Variants in ZFYVE9 observed in about 807,000 individuals in gnomAD.
ZFYVE9 encodes zinc finger FYVE domain-containing protein 9.
In ZFYVE9, 43 loss-of-function variants were observed where a neutral mutation model predicts 126.7. The ratio of observed to expected loss-of-function variants is 0.34; its 90% CI spans 0.27 to 0.44. The LOEUF (loss-of-function observed/expected upper bound fraction) is 0.44. Ranked by LOEUF, ZFYVE9 falls within the 20% of genes least tolerant of loss-of-function variation. The probability of loss-of-function intolerance (pLI) is 1.00; values close to 1 mark genes in which losing one functional copy is unlikely to be tolerated. For synonymous variants in ZFYVE9, 521 were observed against 597.4 expected (o/e 0.87, Z 1.87); for missense variants, 1,476 against 1,697.0 (o/e 0.87, Z 2.29).
chr1:52,304,675 GT>G (rs1283617160), intron 13 of ZFYVE9, among the ~76,000 whole-genome samples: 8 of 150,670 alleles, frequency 5.3e-5, no homozygotes, highest in Admixed American at 4.6e-4. Context: ...TAAACATTAT[GT>G]ACTTGGTATG....
intron 13 of ZFYVE9, among the ~76,000 whole-genome samples, chr1:52,331,069 A>G (rs981748126): frequency 6.6e-6 from 1 of 151,852 alleles, no homozygotes; most frequent in Non-Finnish European, 1.5e-5. Flanking sequence ...GGGTTTTACC[A>G]TGTTGGCCAG....
At chr1:52,205,652 G>A (rs1644971837) in intron 1 of ZFYVE9, among the ~76,000 whole-genome samples, 1 of 151,986 alleles carries the variant, frequency 6.6e-6, no homozygotes, top group South Asian at 2.1e-4. Flanking sequence ...GGTTACAGGT[G>A]TGAACCACCA....
Position 52,245,832 on chromosome 1 carries a change from A to G in ZFYVE9, c.2178+6237A>G, listed in dbSNP as rs190553532. Among the ~76,000 whole-genome samples, 20 of 152,312 alleles carry G rather than the reference A, an allele frequency of 1.3e-4. 1 individual carries two copies. The highest frequency in any genetic ancestry group is 1.2e-3 in the South Asian group (6 of 4,830). On this transcript the variant is annotated intron_variant, in intron 4 of 18. Coordinates refer to ENST00000287727, the MANE Select transcript of ZFYVE9 (RefSeq NM_004799.4). Reference sequence around the variant, plus strand: ...ATAACTCATGCTCTTTCCCATAAATAAAGTTGAGAGAATAAAACAAATAGG... The same window carrying G: ...ATAACTCATGCTCTTTCCCATAAATGAAGTTGAGAGAATAAAACAAATAGG...
rs1213379539 is a variant in ZFYVE9, at chr1:52,142,881, G to C, written c.-143+478G>C. ...CCAGGGTGAGAATTGGGGGTGCAGA[G>C]AGTGCGGGACCAAGAGAGCCCCTGC... On this transcript the variant is annotated intron_variant, in intron 1 of 18. Coordinates refer to ENST00000287727, the MANE Select transcript of ZFYVE9 (RefSeq NM_004799.4). The surrounding 1 kb of genome is among the most constrained non-coding windows in gnomAD (Gnocchi z 4.5). Among the ~76,000 whole-genome samples, 5 of 152,144 alleles carry C rather than the reference G, an allele frequency of 3.3e-5. No individual in the cohort carries two copies. Among genetic ancestry groups the C allele is most frequent in the African/African-American group, 1.2e-4 (5 of 41,440 alleles).
chr1:52,313,615 C>G (rs1304791685), intron 13 of ZFYVE9, among the ~76,000 whole-genome samples: 1 of 152,162 alleles, frequency 6.6e-6, no homozygotes, highest in Non-Finnish European at 1.5e-5. Context: ...AGTTTGTATT[C>G]TTACCAGCCA....
intron 1 of ZFYVE9, among the ~76,000 whole-genome samples, chr1:52,173,923 A>G (rs915664620): frequency 6.6e-6 from 1 of 151,752 alleles, no homozygotes; most frequent in African/African-American, 2.4e-5. Context: ...CTAGCGGTCT[A>G]TCAGTTTTGT....
intron 4 of ZFYVE9, among the ~76,000 whole-genome samples, chr1:52,245,119 A>C (rs1645371305): frequency 6.6e-6 from 1 of 151,798 alleles, no homozygotes; most frequent in Non-Finnish European, 1.5e-5. Context: ...GATCGAGATC[A>C]CGCCACTGCA....
intron 2 of ZFYVE9, among the ~76,000 whole-genome samples, chr1:52,217,634 T>C (rs536561654): frequency 1.7e-3 from 256 of 152,326 alleles, no homozygotes; most frequent in Admixed American, 4.4e-3. Context: ...CTTTAACAAT[T>C]GCAAGGGAAG....
chr1:52,206,128 T>A (rs751521121), intron 1 of ZFYVE9, among the ~76,000 whole-genome samples: 1 of 152,142 alleles, frequency 6.6e-6, no homozygotes, highest in East Asian at 1.9e-4. Flanking sequence ...TATAAGGATA[T>A]GACAATATCT....
chr1:52,339,616 G>C (rs866479696), intron 16 of ZFYVE9, among the ~76,000 whole-genome samples: 13 of 152,104 alleles, frequency 8.5e-5, no homozygotes, highest in African/African-American at 3.1e-4. Context: ...ATATTTATTA[G>C]ACTCCTAAGT....
chr1:52,253,898 A>G, intron 4 of ZFYVE9: 1 of 1,102,952 alleles, frequency 9.1e-7, no homozygotes, highest in Non-Finnish European at 1.4e-6. Context: ...ACTCCAAGCA[A>G]GATTTCAGCC....
At chr1:52,151,405 T>C (rs961467917) in intron 1 of ZFYVE9, among the ~76,000 whole-genome samples, 2 of 152,162 alleles carry the variant, frequency 1.3e-5, no homozygotes, top group South Asian at 4.1e-4. Flanking sequence ...TAAGCCCACA[T>C]TGATGATTCA....
intron 13 of ZFYVE9, among the ~76,000 whole-genome samples, chr1:52,327,888 C>T (rs2762822): frequency 0.79 from 119,807 of 151,354 alleles, 50,684 homozygotes; most frequent in Non-Finnish European, 0.93. Flanking sequence ...GAAGGAGAAT[C>T]GCGTGAACTC....
chr1:52,268,688 TG>T (rs1381435332), intron 7 of ZFYVE9, 56 bp downstream of exon 7: 21 of 1,560,210 alleles, frequency 1.3e-5, no homozygotes, highest in Non-Finnish European at 1.5e-5. Context: ...AGCATTGTGC[TG>T]CCTCTGTTGA....
At chr1:52,191,021 C>A (rs573344062) in intron 1 of ZFYVE9, among the ~76,000 whole-genome samples, 14 of 152,256 alleles carry the variant, frequency 9.2e-5, no homozygotes, top group Admixed American at 1.3e-4. Context: ...GCTTCAACCT[C>A]CGTGGCTCAA....
chr1:52,328,553 G>T (rs1199274157), intron 13 of ZFYVE9, among the ~76,000 whole-genome samples: 2 of 152,188 alleles, frequency 1.3e-5, no homozygotes, highest in African/African-American at 2.4e-5. Context: ...CCAAGGAAAT[G>T]ATTTCCTTTG....
intron 1 of ZFYVE9, among the ~76,000 whole-genome samples, chr1:52,161,678 C>T (rs550589294): frequency 1.3e-5 from 2 of 152,196 alleles, no homozygotes; most frequent in South Asian, 2.1e-4. Flanking sequence ...TTTTAGGGCT[C>T]AAAAATTCCA....
intron 4 of ZFYVE9, among the ~76,000 whole-genome samples, chr1:52,243,261 A>G (rs1210283390): frequency 6.6e-6 from 1 of 152,216 alleles, no homozygotes; most frequent in East Asian, 1.9e-4. Flanking sequence ...TGACAAAAAC[A>G]AAACAAAACA....
At chr1:52,325,760 T>C (rs568597218) in intron 13 of ZFYVE9, among the ~76,000 whole-genome samples, 19 of 152,220 alleles carry the variant, frequency 1.2e-4, no homozygotes, top group Non-Finnish European at 2.1e-4. Context: ...CTAACACATA[T>C]ACAAATTGTA....
Sources: allele counts gnomAD v4.1 joint callset (sites outside exome capture counted in the v4.1 genomes callset), GRCh38; gene constraint gnomAD v4.1.1; non-coding constraint Gnocchi (gnomAD v3.1); transcripts MANE v1.5; gene names NCBI Gene and HGNC (gene_info 2026-07-23, HGNC 2026-07-21).